The following LPXN variants were observed in gnomAD, a reference collection of about 807,000 sequenced individuals.
LPXN encodes the protein leupaxin.
LPXN carries 28 observed loss-of-function variants against 45.6 expected under a neutral mutation model. The observed-to-expected ratio is 0.61, with a 90% CI of 0.45 to 0.84. LPXN has a LOEUF of 0.84. Among genes scored for constraint, LPXN ranks in the 40% least tolerant of loss-of-function variants. LPXN has a pLI of 0.00. For synonymous variants in LPXN, 166 were observed against 169.9 expected (o/e 0.98, Z 0.18); for missense variants, 459 against 475.0 (o/e 0.97, Z 0.31).
intron 7 of LPXN, among the ~76,000 whole-genome samples, chr11:58,533,055 G>A (rs565973859): frequency 1.6e-4 from 25 of 152,242 alleles, no homozygotes; most frequent in African/African-American, 5.5e-4. Flanking sequence ...GTGAAGGTCT[G>A]CAGCTTCACT....
chr11:58,554,660 A>G, intron 4 of LPXN, 181 bp downstream of exon 4: 1 of 519,926 alleles, frequency 1.9e-6, no homozygotes, highest in Admixed American at 3.6e-5. Flanking sequence ...CACATAGTAC[A>G]AAGATGGGTT....
At chr11:58,530,707 G>A (rs946870364) in intron 7 of LPXN, among the ~76,000 whole-genome samples, 1 of 152,166 alleles carries the variant, frequency 6.6e-6, no homozygotes, top group Non-Finnish European at 1.5e-5. Context: ...CTCTGCTAAG[G>A]GTCAGACTGC....
chr11:58,575,793 C>T lies in LPXN; in HGVS notation c.-21G>A. On this transcript the variant is annotated 5_prime_UTR_variant, in exon 1 of 9. Coordinates refer to ENST00000395074, the MANE Select transcript of LPXN (RefSeq NM_004811.3). ...TCCATTGTCCTACATCCAAGATGCT[C>T]TTGTCTCACAGGCCGTGAGGAACAG... 6.2e-7 allele frequency: 1 copy of T among 1,614,180 alleles called. No homozygotes were observed. The highest frequency in any genetic ancestry group is 8.5e-7 in the Non-Finnish European group (1 of 1,180,008).
At chr11:58,533,237 C>A (rs922301530) in intron 7 of LPXN, among the ~76,000 whole-genome samples, 2 of 152,050 alleles carry the variant, frequency 1.3e-5, no homozygotes, top group African/African-American at 4.8e-5. Flanking sequence ...CAATTTCGGA[C>A]ACAAAATGAA....
intron 3 of LPXN, among the ~76,000 whole-genome samples, chr11:58,558,161 TA>T (rs1854264962): frequency 6.7e-6 from 1 of 149,292 alleles, no homozygotes; most frequent in South Asian, 2.1e-4. Context: ...TTAAAAGTTG[TA>T]AAGAAAAAAA....
At chr11:58,544,755 AGT>A (rs1165443513) in intron 7 of LPXN, among the ~76,000 whole-genome samples, 1 of 152,174 alleles carries the variant, frequency 6.6e-6, no homozygotes, top group Non-Finnish European at 1.5e-5. Context: ...AAAGAGGGAG[AGT>A]GTTTATACTC....
At chr11:58,569,347 A>G (rs1854612784) in intron 2 of LPXN, among the ~76,000 whole-genome samples, 1 of 152,026 alleles carries the variant, frequency 6.6e-6, no homozygotes, top group African/African-American at 2.4e-5. Flanking sequence ...GTTTTACTTG[A>G]TAGCTTTAAC....
chr11:58,570,474 ATTATT>A lies in LPXN; in HGVS notation c.171+77_171+81del, dbSNP rs1854656028. On this transcript the variant is annotated intron_variant, in intron 2 of 8. Transcript: ENST00000395074. ...CTTGGATATATTATTCTCCTTTCAT[ATTATT>A]TTATGTGGGATTCTGTTAATTTTCA... 9 of 1,044,904 alleles carry A rather than the reference ATTATT, an allele frequency of 8.6e-6. No individual in the cohort carries two copies. In the Admixed American group the frequency reaches 2.0e-4, roughly 23 times the overall value. 64.7% of individuals were successfully genotyped at this position (1,044,904 alleles called of 1,614,324 possible). A position where few individuals can be genotyped will look rare whatever the true frequency, so the allele number is the denominator to read the frequency against.
intron 3 of LPXN, among the ~76,000 whole-genome samples, chr11:58,558,474 C>T (rs1854275995): frequency 7.4e-6 from 1 of 134,456 alleles, no homozygotes; most frequent in Non-Finnish European, 1.5e-5. Context: ...GAGGCCAAGG[C>T]TGCAGTGAGT....
intron 7 of LPXN, among the ~76,000 whole-genome samples, chr11:58,547,357 T>A (rs542325332): frequency 6.6e-6 from 1 of 152,046 alleles, no homozygotes; most frequent in Admixed American, 6.5e-5. Flanking sequence ...AAGGAGAGAA[T>A]AGCTAGTCAA....
intron 7 of LPXN, 92 bp from the exon 8 acceptor site, chr11:58,528,283 C>A: frequency 8.7e-7 from 1 of 1,143,290 alleles, no homozygotes; most frequent in Non-Finnish European, 1.3e-6. Flanking sequence ...TCTCAGTGTC[C>A]TCATATTCAA....
At chr11:58,562,613 A>C (rs1025128526) in intron 3 of LPXN, among the ~76,000 whole-genome samples, 3 of 152,196 alleles carry the variant, frequency 2.0e-5, no homozygotes, top group Admixed American at 2.0e-4. Context: ...GCTAAGAAGC[A>C]AAACAGAAGA....
At chr11:58,554,519 C>T (rs1854145209) in intron 4 of LPXN, among the ~76,000 whole-genome samples, 1 of 152,146 alleles carries the variant, frequency 6.6e-6, no homozygotes, top group Non-Finnish European at 1.5e-5. Context: ...AATGTTTGCT[C>T]CACATATGTT....
chr11:58,535,139 A>G (rs1374196719), intron 7 of LPXN, among the ~76,000 whole-genome samples: 3 of 152,222 alleles, frequency 2.0e-5, no homozygotes, highest in African/African-American at 7.2e-5. Context: ...CAAACAATAG[A>G]AAAAGGGGGA....
intron 3 of LPXN, among the ~76,000 whole-genome samples, chr11:58,556,157 T>TA (rs1854197475): frequency 6.6e-6 from 1 of 151,978 alleles, no homozygotes; most frequent in African/African-American, 2.4e-5. Context: ...GTGTTTTTTT[T>TA]AAAAAACATA....
At chr11:58,566,044 C>T (rs1484562801) in intron 2 of LPXN, among the ~76,000 whole-genome samples, 1 of 152,090 alleles carries the variant, frequency 6.6e-6, no homozygotes, top group African/African-American at 2.4e-5. Flanking sequence ...ATGGTACAGA[C>T]AATTATTCTT....
At chr11:58,558,540 CAAAAAAA>C (rs35870490) in intron 3 of LPXN, among the ~76,000 whole-genome samples, 13 of 48,006 alleles carry the variant, frequency 2.7e-4, no homozygotes, top group Admixed American at 4.8e-4. Flanking sequence ...GAGACCCTGT[CAAAAAAA>C]AAAAAAAAAA....
Position 58,564,182 on chromosome 11 carries a change from G to T in LPXN, c.191C>A (p.Thr64Asn). 2 of 1,603,982 alleles carry T rather than the reference G, an allele frequency of 1.2e-6. No homozygotes were observed. The highest frequency in any genetic ancestry group is 1.7e-6 in the Non-Finnish European group (2 of 1,174,486). Residue 64 changes from threonine (T) to asparagine (N), a missense_variant, in exon 3 of 9, where the codon ACC becomes AAC. Coordinates refer to ENST00000395074, the MANE Select transcript of LPXN (RefSeq NM_004811.3). ...GTAGACATTGAGCTCCTGGATATTGGTAGTATACACGAGCTGCGCCTAAGA... is the reference window on the plus strand; with the variant it reads ...GTAGACATTGAGCTCCTGGATATTGTTAGTATACACGAGCTGCGCCTAAGA... ...SPLPAQLVYT[T>N]NIQELNVYSE...
upstream of LPXN, among the ~76,000 whole-genome samples, chr11:58,577,213 C>A (rs888560942): frequency 6.6e-6 from 1 of 152,074 alleles, no homozygotes; most frequent in Non-Finnish European, 1.5e-5. Flanking sequence ...CAGCACTGTT[C>A]CTTCCAAAAG....
Sources: gnomAD v4.1 joint callset for allele counts (sites outside exome capture counted in the v4.1 genomes callset) on GRCh38, gnomAD v4.1.1 for gene constraint, MANE v1.5 for transcripts, NCBI Gene and HGNC (gene_info 2026-07-23, HGNC 2026-07-21) for gene names.